Variants in SGK3 observed in about 807,000 individuals in gnomAD.
SGK3 encodes the protein serine/threonine-protein kinase Sgk3.
Under a neutral mutation model 68.5 loss-of-function variants are expected in SGK3, and 47 were observed. The ratio of observed to expected loss-of-function variants is 0.69; its 90% CI spans 0.54 to 0.87. SGK3 has a LOEUF of 0.87. Among genes scored for constraint, SGK3 ranks in the 40% least tolerant of loss-of-function variants. The probability of loss-of-function intolerance (pLI) is 0.00; values close to 1 mark genes in which losing one functional copy is unlikely to be tolerated. For missense variants in SGK3, 479 were observed against 575.5 expected (o/e 0.83, Z 1.72); for synonymous variants, 181 against 189.1 (o/e 0.96, Z 0.35).
intron 15 of SGK3, among the ~76,000 whole-genome samples, chr8:66,849,090 G>A (rs191312791): frequency 6.6e-6 from 1 of 152,048 alleles, no homozygotes; most frequent in Admixed American, 6.6e-5. Flanking sequence ...GTGCCCTGTC[G>A]TCCTAAACCC....
chr8:66,833,674 T>C (rs1184714059), intron 8 of SGK3, among the ~76,000 whole-genome samples: 1 of 152,218 alleles, frequency 6.6e-6, no homozygotes, highest in African/African-American at 2.4e-5. Context: ...TTTTTCCCAA[T>C]ACTATTTTGT....
chr8:66,786,421 T>C (rs1807201685), intron 1 of SGK3, among the ~76,000 whole-genome samples: 1 of 152,206 alleles, frequency 6.6e-6, no homozygotes, highest in African/African-American at 2.4e-5. Context: ...GCAACCAGAT[T>C]GGCACATGTA....
At chr8:66,764,761 A>G (rs1234990563) in intron 1 of SGK3, among the ~76,000 whole-genome samples, 1 of 152,236 alleles carries the variant, frequency 6.6e-6, no homozygotes, top group Admixed American at 6.5e-5. Flanking sequence ...AAGTGTCTGT[A>G]ACATTATGCT....
chr8:66,790,361 G>A (rs1024224043), intron 1 of SGK3, among the ~76,000 whole-genome samples: 3 of 152,308 alleles, frequency 2.0e-5, no homozygotes, highest in African/African-American at 7.2e-5. Flanking sequence ...AGGAGGAGGC[G>A]TTGGGATGCA....
chr8:66,739,046 C>T (rs1805407427), intron 1 of SGK3, among the ~76,000 whole-genome samples: 1 of 152,166 alleles, frequency 6.6e-6, no homozygotes, highest in African/African-American at 2.4e-5. Context: ...CCTCTGGATA[C>T]ATCTATCTTA....
chr8:66,748,025 A>G (rs1805700746), intron 1 of SGK3, among the ~76,000 whole-genome samples: 1 of 152,130 alleles, frequency 6.6e-6, no homozygotes, highest in Admixed American at 6.6e-5. Flanking sequence ...CATCTGTCCA[A>G]TGGAGAGTTC....
intron 14 of SGK3, among the ~76,000 whole-genome samples, chr8:66,846,054 T>G (rs960293862): frequency 6.6e-6 from 1 of 152,182 alleles, no homozygotes; most frequent in African/African-American, 2.4e-5. Flanking sequence ...GGTAAAATAT[T>G]AGAGACCAGT....
intron 5 of SGK3, among the ~76,000 whole-genome samples, chr8:66,817,986 C>T (rs959235520): frequency 2.0e-5 from 3 of 152,126 alleles, no homozygotes; most frequent in South Asian, 2.1e-4. Flanking sequence ...TGGCATGTGC[C>T]GGTAGTCCCA....
At chr8:66,781,156 G>C (rs1449596885) in intron 1 of SGK3, among the ~76,000 whole-genome samples, 1 of 152,098 alleles carries the variant, frequency 6.6e-6, no homozygotes, top group Admixed American at 6.5e-5. Flanking sequence ...AAATGGAAAA[G>C]CTTGGGAGTT....
At chr8:66,777,140 T>C (rs1014360071) in intron 1 of SGK3, among the ~76,000 whole-genome samples, 5 of 152,220 alleles carry the variant, frequency 3.3e-5, no homozygotes, top group African/African-American at 1.2e-4. Flanking sequence ...AGCTACTGTT[T>C]TGTTAGTTGC....
chr8:66,816,585 C>G (rs1249166596), intron 5 of SGK3, among the ~76,000 whole-genome samples: 2 of 152,138 alleles, frequency 1.3e-5, no homozygotes, highest in Non-Finnish European at 2.9e-5. Flanking sequence ...ACTTCGTAAT[C>G]TGCCTGCCTC....
At chr8:66,722,278 T>C (rs747807883) in intron 1 of SGK3, among the ~76,000 whole-genome samples, 6 of 152,156 alleles carry the variant, frequency 3.9e-5, no homozygotes, top group Non-Finnish European at 5.9e-5. Flanking sequence ...TTTGTTTTTG[T>C]TTTTCTTGTT....
At chr8:66,852,263 A>G (rs1810322302) in intron 16 of SGK3, among the ~76,000 whole-genome samples, 1 of 151,442 alleles carries the variant, frequency 6.6e-6, no homozygotes, top group African/African-American at 2.4e-5. Context: ...TGTTGCTGCA[A>G]AACTTAAGGA....
chr8:66,861,764 TTAATATC>T lies in SGK3; in HGVS notation c.*2186_*2192del, dbSNP rs1370448086. 1 of 152,162 alleles carries T rather than the reference TTAATATC, an allele frequency of 6.6e-6. No individual in the cohort carries two copies. Among genetic ancestry groups the T allele is most frequent in the Non-Finnish European group, 1.5e-5 (1 of 68,032 alleles). 9.4% of individuals were successfully genotyped at this position (152,162 alleles called of 1,614,324 possible). ...TGAATCTTCCTTTAGAGGTAAGACT[TTAATATC>T]TATACTGTAAATATTTGGTTTATTT... On this transcript the variant is annotated 3_prime_UTR_variant, in exon 17 of 17. Coordinates refer to ENST00000521198, the MANE Select transcript of SGK3 (RefSeq NM_001033578.3).
intron 7 of SGK3, among the ~76,000 whole-genome samples, chr8:66,830,706 G>A (rs1809267703): frequency 6.6e-6 from 1 of 152,168 alleles, no homozygotes. Flanking sequence ...AAGCTGAGAA[G>A]TATTTTATCT....
At chr8:66,802,852 C>T (rs1473755279) in intron 3 of SGK3, among the ~76,000 whole-genome samples, 1 of 152,114 alleles carries the variant, frequency 6.6e-6, no homozygotes, top group Non-Finnish European at 1.5e-5. Flanking sequence ...CATCCAGCTT[C>T]AATAATTACT....
At chr8:66,775,295 A>G (rs1189910749) in intron 1 of SGK3, 1 of 152,330 alleles carries the variant, frequency 6.6e-6, no homozygotes, top group Non-Finnish European at 1.5e-5. Flanking sequence ...CCCATTCGCC[A>G]TGCGCCGGGG....
intron 10 of SGK3, among the ~76,000 whole-genome samples, chr8:66,837,702 T>C (rs560344553): frequency 6.6e-6 from 1 of 152,242 alleles, no homozygotes; most frequent in South Asian, 2.1e-4. Flanking sequence ...GAGGATTGTT[T>C]GAGCCCAGGA....
rs1347313506 is a variant in SGK3, at chr8:66,835,754, C to T, written c.526-9C>T. On this transcript the variant is annotated splice_polypyrimidine_tract_variant and intron_variant, in intron 8 of 16. Transcript: ENST00000521198. ...TCTAATAGTATACACTAATGTTTAA[C>T]TATAACAGGTTCTTCTTGCAAAACG... 3.7e-6 allele frequency: 6 copies of T among 1,609,134 alleles called. No individual in the cohort carries two copies. Among genetic ancestry groups the T allele is most frequent in the Non-Finnish European group, 5.1e-6 (6 of 1,178,940 alleles).
Sources: gnomAD v4.1 joint callset for allele counts (sites outside exome capture counted in the v4.1 genomes callset) on GRCh38, gnomAD v4.1.1 for gene constraint, MANE v1.5 for transcripts, NCBI Gene and HGNC (gene_info 2026-07-23, HGNC 2026-07-21) for gene names.